PPP1R14C: variants seen among roughly 807,000 people sequenced by gnomAD.
The protein encoded by PPP1R14C is protein phosphatase 1 regulatory inhibitor subunit 14C.
PPP1R14C carries 16 observed loss-of-function variants against 20.4 expected under a neutral mutation model. The ratio of observed to expected loss-of-function variants is 0.78; its 90% confidence interval spans 0.53 to 1.19. The LOEUF is 1.19. PPP1R14C is among the 50% of genes most tolerant of loss of function. PPP1R14C has a pLI of 0.00. For synonymous variants in PPP1R14C, 91 were observed against 91.0 expected, an observed-to-expected ratio of 1.00 and a Z score of 0.00; for missense variants, 211 against 220.1, an observed-to-expected ratio of 0.96 and a Z score of 0.26.
At chr6:150,215,884 C>T (rs770799190) in intron 2 of PPP1R14C, among the ~76,000 whole-genome samples, 19 of 152,156 alleles carry the variant, frequency 1.2e-4, no homozygotes, top group Non-Finnish European at 1.9e-4. Context: ...TGGGTGCCAC[C>T]ATCTTGCACA....
Position 150,248,939 on chromosome 6 carries a change from TTC to T in PPP1R14C, c.*121_*122del. On this transcript the variant is annotated 3_prime_UTR_variant, in exon 4 of 4. Coordinates refer to ENST00000361131, the MANE Select transcript of PPP1R14C (RefSeq NM_030949.3). ...GAACAACGTTTTTGTTTTTTTTTTT[TTC>T]TTTTTTGGTGTGAAGGTGGGGGGGT... is the stretch of plus-strand genomic sequence containing the variant. The T allele has an allele frequency of 1.7e-6, 1 of 576,906 alleles. No individual in the cohort carries two copies. The highest frequency in any genetic ancestry group is 2.9e-6 in the Non-Finnish European group (1 of 344,276). The allele number at this position is 576,906 out of a possible 1,614,324, so 35.7% of individuals were successfully genotyped here.
At chr6:150,179,319 G>T (rs1024327945) in intron 1 of PPP1R14C, among the ~76,000 whole-genome samples, 22 of 151,790 alleles carry the variant, frequency 1.4e-4, no homozygotes, top group Admixed American at 1.2e-3. Context: ...GGAATACAAG[G>T]GTTCAAGGCT....
Position 150,143,139 on chromosome 6 carries a change from C to G in PPP1R14C, c.-54C>G. The G allele has an allele frequency of 8.4e-7, 1 of 1,190,414 alleles. No homozygotes were observed. The highest frequency in any genetic ancestry group is 1.0e-6 in the Non-Finnish European group (1 of 964,106). The allele number at this position is 1,190,414 out of a possible 1,614,324, so 73.7% of individuals were successfully genotyped here. Reference sequence around the variant, plus strand: ...GGCCGGAGGTGGTAGCGGCGCCGGGCGCGCTCCGCCCGCCCCTCCTCCGGG... The same window carrying G: ...GGCCGGAGGTGGTAGCGGCGCCGGGGGCGCTCCGCCCGCCCCTCCTCCGGG... On this transcript the variant is annotated 5_prime_UTR_variant, in exon 1 of 4. Transcript: ENST00000361131. This position sits in a 1 kb window ranked among gnomAD's most constrained non-coding sequence, Gnocchi z 5.6.
At chr6:150,228,824 A>C (rs1178418717) in intron 3 of PPP1R14C, among the ~76,000 whole-genome samples, 2 of 152,156 alleles carry the variant, frequency 1.3e-5, no homozygotes, top group African/African-American at 4.8e-5. Context: ...GATGATAACA[A>C]TAATAATAAT....
chr6:150,174,452 G>C (rs923706564), intron 1 of PPP1R14C, among the ~76,000 whole-genome samples: 16 of 151,818 alleles, frequency 1.1e-4, no homozygotes, highest in Non-Finnish European at 2.4e-4. Context: ...TCCTGACCTT[G>C]TGATCCGCCC....
At chr6:150,174,414 C>T (rs1389406123) in intron 1 of PPP1R14C, among the ~76,000 whole-genome samples, 3 of 148,922 alleles carry the variant, frequency 2.0e-5, no homozygotes, top group African/African-American at 4.9e-5. Flanking sequence ...GATGGGGTTT[C>T]ACCGTGTTAG....
At chr6:150,151,124 G>T (rs1777242256) in intron 1 of PPP1R14C, among the ~76,000 whole-genome samples, 2 of 151,628 alleles carry the variant, frequency 1.3e-5, no homozygotes, top group Non-Finnish European at 2.9e-5. Flanking sequence ...CTGTCCATAT[G>T]CGGACAACGT....
rs758682435 is a variant in PPP1R14C, at chr6:150,214,743, GGAA to G, written c.313_315del (p.Glu105del). ...CTTCATATCCTCCCACTGCCCCCCA[GGAA>G]GAAGAAATGCCAGAGGTAGAAATTG... On this transcript the variant is annotated inframe_deletion and splice_region_variant, in exon 2 of 4. Coordinates refer to ENST00000361131, the MANE Select transcript of PPP1R14C (RefSeq NM_030949.3). The G allele has an allele frequency of 9.9e-5, 159 of 1,612,348 alleles. 2 individuals carry two copies. Among genetic ancestry groups the G allele is most frequent in the African/African-American group, 1.3e-5 (1 of 74,884 alleles).
At chr6:150,189,387 T>C (rs1418709320) in intron 1 of PPP1R14C, among the ~76,000 whole-genome samples, 2 of 152,196 alleles carry the variant, frequency 1.3e-5, no homozygotes, top group Non-Finnish European at 2.9e-5. Flanking sequence ...CAGACAGGGA[T>C]CATAATGCAA....
At chr6:150,172,120 C>A (rs2114870250) in intron 1 of PPP1R14C, among the ~76,000 whole-genome samples, 1 of 152,260 alleles carries the variant, frequency 6.6e-6, no homozygotes, top group Non-Finnish European at 1.5e-5. Flanking sequence ...GAGTCTCTCC[C>A]TTTCTTTGCT....
chr6:150,170,669 C>T (rs1490700582), intron 1 of PPP1R14C, among the ~76,000 whole-genome samples: 1 of 151,466 alleles, frequency 6.6e-6, no homozygotes, highest in Non-Finnish European at 1.5e-5. Context: ...ACCAAAGAGA[C>T]AAAAATCACT....
At chr6:150,233,996 G>A (rs1364688570) in intron 3 of PPP1R14C, among the ~76,000 whole-genome samples, 1 of 152,212 alleles carries the variant, frequency 6.6e-6, no homozygotes, top group Non-Finnish European at 1.5e-5. Flanking sequence ...GGAAGCCAGA[G>A]GACTGGTAAA....
intron 3 of PPP1R14C, among the ~76,000 whole-genome samples, chr6:150,244,554 T>G (rs552461977): frequency 6.6e-6 from 1 of 152,326 alleles, no homozygotes; most frequent in African/African-American, 2.4e-5. Context: ...CAGAATTTTC[T>G]GGGATAATAG....
At chr6:150,219,390 A>G (rs989027312) in intron 3 of PPP1R14C, among the ~76,000 whole-genome samples, 1 of 151,604 alleles carries the variant, frequency 6.6e-6, no homozygotes, top group African/African-American at 2.4e-5. Flanking sequence ...TAATTTTTGT[A>G]TTTTTAGTAG....
intron 1 of PPP1R14C, among the ~76,000 whole-genome samples, chr6:150,149,485 A>G (rs1582893112): frequency 2.7e-5 from 3 of 109,544 alleles, no homozygotes; most frequent in South Asian, 3.0e-4. Flanking sequence ...TTTTGTGGAG[A>G]CAAGGTTTCA....
intron 3 of PPP1R14C, among the ~76,000 whole-genome samples, chr6:150,236,930 G>A (rs1046962335): frequency 4.6e-5 from 7 of 152,064 alleles, no homozygotes; most frequent in Admixed American, 2.6e-4. Flanking sequence ...TTTTCTCAGC[G>A]GTTAGAGTCT....
intron 1 of PPP1R14C, among the ~76,000 whole-genome samples, chr6:150,205,189 A>C (rs11753008): frequency 0.049 from 7,440 of 152,076 alleles, 244 homozygotes; most frequent in African/African-American, 0.081. Context: ...GGGTGGGTTC[A>C]GGACCTAGAA....
rs914194897 is a variant in PPP1R14C, at chr6:150,242,356, A to G, written c.424-6390A>G. Among the ~76,000 whole-genome samples the G allele has an allele frequency of 1.5e-4, 6 of 39,884 alleles. No homozygotes were observed. In the African/African-American group the frequency reaches 2.1e-3, roughly 14 times the overall value. The allele number at this position is 39,884 out of a possible 152,430, so 26.2% of individuals were successfully genotyped here. ...ACAGACAAGTATTGAATTCAACAAT[A>G]TGTAAAAAAGCCATTATGATCAAGT... On this transcript the variant is annotated intron_variant, in intron 3 of 3. Coordinates refer to ENST00000361131, the MANE Select transcript of PPP1R14C (RefSeq NM_030949.3).
intron 1 of PPP1R14C, 93 bp from the exon 2 acceptor site, chr6:150,214,651 A>G: frequency 6.1e-6 from 5 of 815,492 alleles, no homozygotes; most frequent in Non-Finnish European, 1.0e-5. Context: ...TCAATTGATG[A>G]TCTAGTTGTT....
Sources: allele counts gnomAD v4.1 joint callset (sites outside exome capture counted in the v4.1 genomes callset), GRCh38; gene constraint gnomAD v4.1.1; non-coding constraint Gnocchi (gnomAD v3.1); transcripts MANE v1.5; gene names NCBI Gene and HGNC (gene_info 2026-07-23, HGNC 2026-07-21).